MKLN1: variants seen among roughly 807,000 people sequenced by gnomAD.
MKLN1 encodes the protein muskelin.
A neutral mutation model predicts 99.0 loss-of-function variants in MKLN1; 18 were observed. The ratio of observed to expected loss-of-function variants is 0.18; its 90% confidence interval spans 0.13 to 0.27. The LOEUF is 0.27. MKLN1 is among the 10% of genes least tolerant of loss of function. The pLI is 1.00. For synonymous variants in MKLN1, 288 were observed against 293.2 expected (o/e 0.98, Z 0.18); for missense variants, 621 against 875.9 (o/e 0.71, Z 3.67).
At chr7:131,211,257 T>C (rs924609161) in intron 3 of MKLN1, among the ~76,000 whole-genome samples, 1 of 152,224 alleles carries the variant, frequency 6.6e-6, no homozygotes, top group Non-Finnish European at 1.5e-5. Flanking sequence ...TCTCCAGTTA[T>C]GTACATTAAA....
intron 3 of MKLN1, among the ~76,000 whole-genome samples, chr7:131,255,657 C>G (rs1797646970): frequency 6.6e-6 from 1 of 151,974 alleles, no homozygotes; most frequent in Admixed American, 6.6e-5. Flanking sequence ...CAGCTCACTG[C>G]AACCTCTGCC....
At position 131,445,686 on chromosome 7, in the gene MKLN1, G is replaced by T. The variant is rs571083021; in HGVS notation, c.1396-88G>T. On this transcript the variant is annotated intron_variant, in intron 11 of 17. Transcript: ENST00000352689. ...TGGGATCTGTTATAAAATTACTTTT[G>T]TAGAGGTTTAAGTTTTTAAAGGATC... The T allele has an allele frequency of 2.6e-4, 294 of 1,114,682 alleles. 1 individual carries two copies. The highest frequency in any genetic ancestry group is 3.4e-4 in the Non-Finnish European group (271 of 791,964). 69.0% of individuals were successfully genotyped at this position (1,114,682 alleles called of 1,614,324 possible).
intron 3 of MKLN1, among the ~76,000 whole-genome samples, chr7:131,294,519 C>A (rs1434120822): frequency 6.6e-6 from 1 of 152,172 alleles, no homozygotes. Context: ...TACTGCCTGG[C>A]TCTTCATTAA....
chr7:131,236,123 AAGT>A (rs1797317396), intron 3 of MKLN1, among the ~76,000 whole-genome samples: 1 of 152,220 alleles, frequency 6.6e-6, no homozygotes, highest in African/African-American at 2.4e-5. Context: ...GTTAAAATGT[AAGT>A]AGTAAGTAAA....
At chr7:131,278,339 C>T (rs1039920943) in intron 3 of MKLN1, among the ~76,000 whole-genome samples, 5 of 151,868 alleles carry the variant, frequency 3.3e-5, no homozygotes, top group African/African-American at 1.2e-4. Context: ...TGCCTGGCCA[C>T]CTTATTTATT....
At chr7:131,397,151 C>G (rs1794384623) in intron 4 of MKLN1, 116 bp from the exon 5 acceptor site, 1 of 649,074 alleles carries the variant, frequency 1.5e-6, no homozygotes, top group South Asian at 2.1e-5. Context: ...ATAAAAGATG[C>G]CCAGAAAATT....
intron 3 of MKLN1, among the ~76,000 whole-genome samples, chr7:131,279,622 A>G (rs751557866): frequency 8.5e-5 from 13 of 152,124 alleles, no homozygotes; most frequent in Non-Finnish European, 1.8e-4. Context: ...AGCCTGGGCA[A>G]CAAAGAGAAA....
At chr7:131,305,248 A>G (rs1245274788) in intron 3 of MKLN1, among the ~76,000 whole-genome samples, 1 of 152,198 alleles carries the variant, frequency 6.6e-6, no homozygotes, top group Non-Finnish European at 1.5e-5. Flanking sequence ...ACAATTAAAA[A>G]CACATGCTTT....
intron 3 of MKLN1, among the ~76,000 whole-genome samples, chr7:131,388,571 A>G (rs73153488): frequency 0.02 from 3,027 of 152,304 alleles, 29 homozygotes; most frequent in Non-Finnish European, 0.03. Context: ...TGAAAATTTT[A>G]TGTTATATTC....
intron 3 of MKLN1, among the ~76,000 whole-genome samples, chr7:131,282,206 G>A (rs1381268371): frequency 6.6e-6 from 1 of 152,014 alleles, no homozygotes; most frequent in African/African-American, 2.4e-5. Flanking sequence ...AAAATTAGCT[G>A]GGCATGGTGG....
chr7:131,219,310 G>A (rs1376837206), intron 3 of MKLN1, among the ~76,000 whole-genome samples: 3 of 151,974 alleles, frequency 2.0e-5, no homozygotes, highest in Non-Finnish European at 2.9e-5. Context: ...TATAATAGTA[G>A]GCACTTGATA....
chr7:131,310,528 G>C (rs1798546348), intron 3 of MKLN1: 1 of 152,166 alleles, frequency 6.6e-6, no homozygotes, highest in African/African-American at 2.4e-5. Context: ...ATAAAACAAT[G>C]AGAGATACAC....
chr7:131,474,964 G>T (rs1287413031), intron 16 of MKLN1, among the ~76,000 whole-genome samples: 1 of 152,056 alleles, frequency 6.6e-6, no homozygotes, highest in East Asian at 1.9e-4. Context: ...TGACAATGAG[G>T]GGGGAAATGC....
chr7:131,449,638 C>T (rs1416175376), intron 12 of MKLN1, among the ~76,000 whole-genome samples: 2 of 151,642 alleles, frequency 1.3e-5, no homozygotes, highest in Non-Finnish European at 2.9e-5. Flanking sequence ...GGAAATTATT[C>T]TCTTTTTTTC....
chr7:131,213,798 T>C (rs575785727), intron 3 of MKLN1, among the ~76,000 whole-genome samples: 1 of 152,366 alleles, frequency 6.6e-6, no homozygotes, highest in Admixed American at 6.5e-5. Context: ...TATGAAATAG[T>C]TGATTATTTT....
chr7:131,238,051 G>A (rs1369086134), intron 3 of MKLN1, among the ~76,000 whole-genome samples: 1 of 152,094 alleles, frequency 6.6e-6, no homozygotes, highest in African/African-American at 2.4e-5. Flanking sequence ...GGAGGCTGAG[G>A]CACGAGAATC....
intron 4 of MKLN1, among the ~76,000 whole-genome samples, chr7:131,389,891 A>G (rs1794148086): frequency 6.6e-6 from 1 of 151,408 alleles, no homozygotes; most frequent in Non-Finnish European, 1.5e-5. Context: ...TCCATCTCCA[A>G]AAAAAAAACC....
At position 131,383,018 on chromosome 7, in the gene MKLN1, C is replaced by T. The variant is rs149804802; in HGVS notation, c.169-4102C>T. ...GATTACAGGCATGAGCCACCACACC[C>T]GGCCAGCTACGGATATTTTATATAT... On this transcript the variant is annotated intron_variant, in intron 2 of 17. Coordinates refer to ENST00000352689, the MANE Select transcript of MKLN1 (RefSeq NM_013255.5). Among the ~76,000 whole-genome samples the T allele has an allele frequency of 2.3e-3, 353 of 152,290 alleles. 2 individuals carry two copies. The highest frequency in any genetic ancestry group is 1.9e-3 in the Non-Finnish European group (132 of 68,010).
At chr7:131,113,432 T>G (rs1382661494) in intron 1 of MKLN1, among the ~76,000 whole-genome samples, 1 of 152,060 alleles carries the variant, frequency 6.6e-6, no homozygotes, top group Non-Finnish European at 1.5e-5. Flanking sequence ...CATGGTTGAG[T>G]ATGTTATCCT....
Sources: allele counts gnomAD v4.1 joint callset (sites outside exome capture counted in the v4.1 genomes callset), GRCh38; gene constraint gnomAD v4.1.1; transcripts MANE v1.5; gene names NCBI Gene and HGNC (gene_info 2026-07-23, HGNC 2026-07-21).